IGF1R: variants seen among roughly 807,000 people sequenced by gnomAD.
IGF1R encodes the protein insulin-like growth factor 1 receptor.
Under a neutral mutation model 144.6 loss-of-function variants are expected in IGF1R, and 44 were observed. The observed-to-expected ratio is 0.30, with a 90% confidence interval of 0.24 to 0.39. The LOEUF (loss-of-function observed/expected upper bound fraction) is 0.39, where lower values mean the gene tolerates loss of function less well. IGF1R is among the 10% of genes least tolerant of loss of function. The pLI is 1.00. For synonymous variants in IGF1R, 795 were observed against 722.8 expected, an observed-to-expected ratio of 1.10 and a Z score of -1.60; for missense variants, 1,355 against 1,833.7, an observed-to-expected ratio of 0.74 and a Z score of 4.77.
intron 2 of IGF1R, among the ~76,000 whole-genome samples, chr15:98,716,446 T>G (rs1184325704): frequency 6.6e-6 from 1 of 152,056 alleles, no homozygotes; most frequent in African/African-American, 2.4e-5. Context: ...TTTAAGAAAT[T>G]TAGAGATCAT....
intron 19 of IGF1R, among the ~76,000 whole-genome samples, chr15:98,943,374 C>T (rs1041255203): frequency 6.6e-6 from 1 of 152,114 alleles, no homozygotes; most frequent in African/African-American, 2.4e-5. Flanking sequence ...TGCCTGCCTT[C>T]TTTCTCTTTT....
intron 1 of IGF1R, among the ~76,000 whole-genome samples, chr15:98,684,728 G>A (rs949073129): frequency 2.6e-5 from 4 of 152,056 alleles, no homozygotes; most frequent in Non-Finnish European, 5.9e-5. Flanking sequence ...GGCAGTCATC[G>A]GGAGACTGTG....
At chr15:98,888,438 A>AGAGTGTGTGTGTGTGTGT (rs1555457179) in intron 2 of IGF1R, among the ~76,000 whole-genome samples, 3 of 143,454 alleles carry the variant, frequency 2.1e-5, no homozygotes, top group East Asian at 4.2e-4. Context: ...AGAGAGAGAG[A>AGAGTGTGTGTGTGTGTGT]GTGTGTGTGT....
chr15:98,799,636 G>A (rs780150236), intron 2 of IGF1R, among the ~76,000 whole-genome samples: 1 of 152,110 alleles, frequency 6.6e-6, no homozygotes. Flanking sequence ...GGAGGCGGCC[G>A]GCATGGGGGA....
intron 2 of IGF1R, among the ~76,000 whole-genome samples, chr15:98,762,145 G>C (rs2055316041): frequency 6.6e-6 from 1 of 152,158 alleles, no homozygotes; most frequent in Admixed American, 6.5e-5. Context: ...CACATGTAGA[G>C]TGACCATTAT....
At chr15:98,775,620 A>G (rs2055693557) in intron 2 of IGF1R, among the ~76,000 whole-genome samples, 1 of 152,182 alleles carries the variant, frequency 6.6e-6, no homozygotes, top group Non-Finnish European at 1.5e-5. Flanking sequence ...CTCTGCAGCT[A>G]TAAGGATCAG....
At chr15:98,833,371 C>T (rs537580241) in intron 2 of IGF1R, among the ~76,000 whole-genome samples, 1 of 152,272 alleles carries the variant, frequency 6.6e-6, no homozygotes, top group Non-Finnish European at 1.5e-5. Flanking sequence ...AGCCTTAGAG[C>T]GGGTTTGCAG....
intron 2 of IGF1R, among the ~76,000 whole-genome samples, chr15:98,854,372 C>T (rs1361820475): frequency 1.3e-5 from 2 of 152,168 alleles, no homozygotes; most frequent in African/African-American, 4.8e-5. Flanking sequence ...GATGTCTATG[C>T]GAGGTTGTAG....
chr15:98,766,832 T>C (rs45467199), intron 2 of IGF1R, among the ~76,000 whole-genome samples: 3,313 of 152,328 alleles, frequency 0.022, 109 homozygotes, highest in African/African-American at 0.074. Flanking sequence ...AGAATTAATG[T>C]TATTTTGTTA....
chr15:98,708,300 ACT>A (rs941181327), intron 2 of IGF1R, among the ~76,000 whole-genome samples, 193 bp downstream of exon 2: 2 of 151,552 alleles, frequency 1.3e-5, no homozygotes, highest in African/African-American at 4.9e-5. Flanking sequence ...TGCATCTGGG[ACT>A]CTTGGATTGC....
intron 1 of IGF1R, among the ~76,000 whole-genome samples, chr15:98,662,912 G>C (rs1298887835): frequency 6.6e-6 from 1 of 152,146 alleles, no homozygotes; most frequent in African/African-American, 2.4e-5. Context: ...CTGCTGGCTA[G>C]AGAATGAGGA....
Position 98,963,455 on chromosome 15 carries a change from T to C in IGF1R, c.*6013T>C, listed in dbSNP as rs2017306055. The C allele has an allele frequency of 4.3e-6, 1 of 233,180 alleles. No individual in the cohort carries two copies. The highest frequency in any genetic ancestry group is 2.2e-5 in the African/African-American group (1 of 45,324). The allele number at this position is 233,180 out of a possible 1,614,324, so 14.4% of individuals were successfully genotyped here. ...TTACTGGTCATTTCCCTTTGGAGTG[T>C]AGCTACTTTAACAGATGGAAAGAAC... On this transcript the variant is annotated 3_prime_UTR_variant, in exon 21 of 21. Transcript: ENST00000650285.
chr15:98,738,146 T>C (rs1432754123), intron 2 of IGF1R, among the ~76,000 whole-genome samples: 1 of 152,250 alleles, frequency 6.6e-6, no homozygotes, highest in African/African-American at 2.4e-5. Flanking sequence ...GAGAGTCTTA[T>C]GATAGGCAAC....
intron 18 of IGF1R, among the ~76,000 whole-genome samples, chr15:98,942,311 C>G (rs963170047): frequency 3.9e-5 from 6 of 152,046 alleles, no homozygotes; most frequent in African/African-American, 1.4e-4. Flanking sequence ...TTGTGGGACT[C>G]TAATTTTTAC....
At chr15:98,769,247 A>C (rs543457393) in intron 2 of IGF1R, among the ~76,000 whole-genome samples, 1 of 152,066 alleles carries the variant, frequency 6.6e-6, no homozygotes, top group East Asian at 1.9e-4. Context: ...CCTTGTGGCT[A>C]ATTTGTCCAT....
chr15:98,736,624 T>C (rs1046043326), intron 2 of IGF1R, among the ~76,000 whole-genome samples: 1 of 150,386 alleles, frequency 6.6e-6, no homozygotes, highest in Non-Finnish European at 1.5e-5. Flanking sequence ...TTTCTTTTTT[T>C]TTTTTGAGAC....
chr15:98,788,479 G>T, intron 2 of IGF1R, among the ~76,000 whole-genome samples: 1 of 152,214 alleles, frequency 6.6e-6, no homozygotes, highest in East Asian at 1.9e-4. Context: ...CCAAGGTGCA[G>T]CAACAATTAG....
chr15:98,693,307 T>A (rs973080642), intron 1 of IGF1R, among the ~76,000 whole-genome samples: 4 of 152,222 alleles, frequency 2.6e-5, no homozygotes, highest in Non-Finnish European at 4.4e-5. Context: ...CATTTCCATG[T>A]AGAGGGGCAA....
At chr15:98,895,985 C>G (rs2014175397) in intron 3 of IGF1R, among the ~76,000 whole-genome samples, 1 of 151,704 alleles carries the variant, frequency 6.6e-6, no homozygotes, top group Non-Finnish European at 1.5e-5. Context: ...TCTGCTATTT[C>G]CTAAATAATG....
Sources: allele counts gnomAD v4.1 joint callset (sites outside exome capture counted in the v4.1 genomes callset), GRCh38; gene constraint gnomAD v4.1.1; transcripts MANE v1.5; gene names NCBI Gene and HGNC (gene_info 2026-07-23, HGNC 2026-07-21).